Variants in NCOR1 observed in about 807,000 individuals in gnomAD.
NCOR1 encodes nuclear receptor corepressor 1, also known as protein phosphatase 1, regulatory subunit 109.
In NCOR1, 63 loss-of-function variants were observed where a neutral mutation model predicts 288.1. The ratio of observed to expected loss-of-function variants is 0.22; its 90% confidence interval spans 0.18 to 0.27. NCOR1 has a LOEUF of 0.27. Among genes scored for constraint, NCOR1 ranks in the 10% least tolerant of loss-of-function variants. The probability of loss-of-function intolerance (pLI) is 1.00; values close to 1 mark genes in which losing one functional copy is unlikely to be tolerated. For missense variants in NCOR1, 2,397 were observed against 3,019.2 expected, an observed-to-expected ratio of 0.79 and a Z score of 4.83; for synonymous variants, 1,007 against 1,065.9, an observed-to-expected ratio of 0.94 and a Z score of 1.08.
intron 40 of NCOR1, among the ~76,000 whole-genome samples, chr17:16,050,913 A>G (rs1182279245): frequency 6.6e-6 from 1 of 152,004 alleles, no homozygotes; most frequent in Non-Finnish European, 1.5e-5. Context: ...TGCTTACTGC[A>G]GCCTCAACTT....
intron 22 of NCOR1, chr17:16,087,101 G>T: frequency 8.5e-7 from 1 of 1,182,228 alleles, no homozygotes; most frequent in Non-Finnish European, 1.1e-6. Context: ...TCATTCACGA[G>T]ATTAAACCAC....
chr17:16,032,071 T>C lies in NCOR1; in HGVS notation c.*225A>G, dbSNP rs945655383. 6.0e-6 allele frequency: 3 copies of C among 499,974 alleles called. No homozygotes were observed. The highest frequency in any genetic ancestry group is 3.6e-5 in the East Asian group (1 of 27,756). 31.0% of individuals were successfully genotyped at this position (499,974 alleles called of 1,614,324 possible). The stretch of plus-strand genomic sequence containing the variant: ...ACATCTCAACCCTCCACTATTATTA[T>C]AGTCCACTGAATTGCCTGTATCAAA... On this transcript the variant is annotated 3_prime_UTR_variant, in exon 46 of 46. Coordinates refer to ENST00000268712, the MANE Select transcript of NCOR1 (RefSeq NM_006311.4).
rs757019446 is a variant in NCOR1 at position 16,208,206 on chromosome 17, A to ATTTTTTT, written c.-71+7149_-71+7155dup. ...CAGGCGCGTGCCACCATGCCCAGCT[A>ATTTTTTT]TTTTTTTTTTTTTTTTTTTTTTTTT... On this transcript the variant is annotated intron_variant, in intron 1 of 45. Coordinates refer to ENST00000268712, the MANE Select transcript of NCOR1 (RefSeq NM_006311.4). 4.3e-3 allele frequency among the ~76,000 whole-genome samples: 284 copies of ATTTTTTT among 65,508 alleles called. 12 individuals carry two copies. Among genetic ancestry groups the ATTTTTTT allele is most frequent in the African/African-American group, 0.015 (238 of 16,366 alleles). 43.0% of individuals were successfully genotyped at this position (65,508 alleles called of 152,430 possible).
chr17:16,032,551 G>T, intron 45 of NCOR1, 68 bp from the exon 46 acceptor site: 2 of 1,394,984 alleles, frequency 1.4e-6, no homozygotes, highest in Non-Finnish European at 1.9e-6. Context: ...TCCAACTTTT[G>T]TAGGATGGAG....
intron 5 of NCOR1, 197 bp downstream of exon 5, chr17:16,164,782 C>T (rs150876737): frequency 0.038 from 15,456 of 407,386 alleles, 390 homozygotes; most frequent in African/African-American, 0.091. Context: ...TCACTCTCTA[C>T]AATCATATAA....
intron 32 of NCOR1, 118 bp downstream of exon 32, chr17:16,067,776 C>A (rs1010216534): frequency 4.0e-6 from 4 of 994,820 alleles, no homozygotes; most frequent in Admixed American, 3.4e-5. Context: ...TGAAAATTCA[C>A]TGAGCTGTAC....
intron 42 of NCOR1, among the ~76,000 whole-genome samples, chr17:16,046,717 C>T (rs1011097535): frequency 7.9e-5 from 12 of 152,162 alleles, no homozygotes; most frequent in Non-Finnish European, 1.8e-4. Context: ...GTAACCTAGA[C>T]ACAGCATTTC....
chr17:16,164,295 T>C (rs1240109503), intron 5 of NCOR1, among the ~76,000 whole-genome samples: 13 of 147,636 alleles, frequency 8.8e-5, no homozygotes, highest in Non-Finnish European at 5.9e-5. Context: ...TTAGAGTGAA[T>C]ACTGGGCTAA....
chr17:16,032,621 C>A, intron 45 of NCOR1, 138 bp from the exon 46 acceptor site: 1 of 751,178 alleles, frequency 1.3e-6, no homozygotes, highest in Non-Finnish European at 2.0e-6. Context: ...GAATACAACA[C>A]GGAATGGCCA....
intron 3 of NCOR1, among the ~76,000 whole-genome samples, chr17:16,183,230 CAAAAAAAAAAA>C (rs59665102): frequency 1.6e-5 from 1 of 64,092 alleles, no homozygotes; most frequent in African/African-American, 4.6e-5. Context: ...AGCAATCAAA[CAAAAAAAAAAA>C]AAAAGAAAAG....
chr17:16,117,528 A>C (rs899163330), intron 18 of NCOR1, among the ~76,000 whole-genome samples: 29 of 149,628 alleles, frequency 1.9e-4, no homozygotes, highest in Non-Finnish European at 2.9e-4. Flanking sequence ...AAAAAAAAAA[A>C]AAAAAACATC....
At chr17:16,120,230 C>T (rs1285013084) in intron 16 of NCOR1, among the ~76,000 whole-genome samples, 2 of 152,140 alleles carry the variant, frequency 1.3e-5, no homozygotes, top group Non-Finnish European at 2.9e-5. Context: ...GGGCCCTCTG[C>T]CTCCAGCCTT....
At chr17:16,127,716 T>G (rs544442680) in intron 14 of NCOR1, among the ~76,000 whole-genome samples, 13 of 124,672 alleles carry the variant, frequency 1.0e-4, no homozygotes, top group African/African-American at 3.3e-4. Flanking sequence ...TGTGTGTGTA[T>G]ATATACATAT....
chr17:16,072,287 T>A (rs1256470174), intron 28 of NCOR1, 59 bp from the exon 29 acceptor site: 1 of 1,253,452 alleles, frequency 8.0e-7, no homozygotes, highest in East Asian at 2.4e-5. Context: ...AACTCACATA[T>A]ACTGAATGCT....
chr17:16,109,046 G>A, intron 18 of NCOR1, 134 bp from the exon 19 acceptor site: 1 of 706,218 alleles, frequency 1.4e-6, no homozygotes, highest in Non-Finnish European at 2.1e-6. Flanking sequence ...AATAGTTCTG[G>A]TTAAAGTGCA....
At chr17:16,052,217 G>T (rs1282818715) in intron 40 of NCOR1, among the ~76,000 whole-genome samples, 6 of 151,648 alleles carry the variant, frequency 4.0e-5, no homozygotes, top group African/African-American at 1.5e-4. Context: ...GTAGAAATGG[G>T]GTTTCACTGT....
chr17:16,129,871 C>T (rs1568223352), intron 14 of NCOR1, among the ~76,000 whole-genome samples: 1 of 152,228 alleles, frequency 6.6e-6, no homozygotes, highest in Non-Finnish European at 1.5e-5. Context: ...TACTTTTCTG[C>T]TTCTAATGCC....
intron 3 of NCOR1, among the ~76,000 whole-genome samples, chr17:16,179,802 T>A (rs2153497062): frequency 6.6e-6 from 1 of 151,974 alleles, no homozygotes; most frequent in Non-Finnish European, 1.5e-5. Context: ...GATCACGAGG[T>A]CAGGAGATCG....
intron 3 of NCOR1, among the ~76,000 whole-genome samples, chr17:16,172,266 G>T (rs568943734): frequency 3.7e-4 from 57 of 152,156 alleles, no homozygotes; most frequent in African/African-American, 1.3e-3. Context: ...TGAGGCAGGA[G>T]AATTGCTTGA....
Sources: gnomAD v4.1 joint callset for allele counts (sites outside exome capture counted in the v4.1 genomes callset) on GRCh38, gnomAD v4.1.1 for gene constraint, MANE v1.5 for transcripts, NCBI Gene and HGNC (gene_info 2026-07-23, HGNC 2026-07-21) for gene names.